The following FMN1 variants were observed in gnomAD, a reference collection of about 807,000 sequenced individuals.
The protein encoded by FMN1 is formin-1.
FMN1 carries 110 observed loss-of-function variants against 132.4 expected under a neutral mutation model. The observed-to-expected ratio is 0.83, with a 90% confidence interval of 0.71 to 0.97. The LOEUF (loss-of-function observed/expected upper bound fraction) is 0.97, where lower values mean the gene tolerates loss of function less well. Among genes scored for constraint, FMN1 ranks in the 50% least tolerant of loss-of-function variants. The pLI, the probability that FMN1 is intolerant of heterozygous loss-of-function variation, is 0.00. For synonymous variants in FMN1, 722 were observed against 651.7 expected, an observed-to-expected ratio of 1.11 and a Z score of -1.64; for missense variants, 1,792 against 1,705.3, an observed-to-expected ratio of 1.05 and a Z score of -0.90.
At chr15:32,974,953 T>C (rs1270699577) in intron 7 of FMN1, among the ~76,000 whole-genome samples, 2 of 152,244 alleles carry the variant, frequency 1.3e-5, no homozygotes, top group South Asian at 2.1e-4. Context: ...ATGATACTCA[T>C]GGCTCTTCAA....
chr15:33,158,728 C>T (rs1453256460), intron 3 of FMN1, among the ~76,000 whole-genome samples: 1 of 152,164 alleles, frequency 6.6e-6, no homozygotes, highest in African/African-American at 2.4e-5. Context: ...CTTACTTATA[C>T]TTGTTATAAA....
chr15:32,941,359 A>T (rs2061397483), intron 9 of FMN1, among the ~76,000 whole-genome samples: 1 of 152,228 alleles, frequency 6.6e-6, no homozygotes, highest in South Asian at 2.1e-4. Context: ...AGAAACCTAC[A>T]AATTTCATCT....
At chr15:32,861,926 C>T (rs967573610) in intron 16 of FMN1, among the ~76,000 whole-genome samples, 7 of 152,188 alleles carry the variant, frequency 4.6e-5, no homozygotes, top group African/African-American at 1.7e-4. Flanking sequence ...ACGAGAGCAG[C>T]TCCACTGCTG....
At chr15:33,004,269 G>A (rs987719855) in intron 7 of FMN1, among the ~76,000 whole-genome samples, 10 of 152,052 alleles carry the variant, frequency 6.6e-5, no homozygotes, top group African/African-American at 2.2e-4. Flanking sequence ...CTACAGAATG[G>A]GAGAAAATTT....
intron 7 of FMN1, among the ~76,000 whole-genome samples, chr15:33,001,565 T>G (rs1238645343): frequency 3.7e-5 from 3 of 80,200 alleles, no homozygotes; most frequent in South Asian, 5.5e-4. Flanking sequence ...CTCCTCCCAC[T>G]TCCCCCCCCA....
intron 3 of FMN1, among the ~76,000 whole-genome samples, chr15:33,166,451 G>A (rs1965113089): frequency 6.6e-6 from 1 of 151,764 alleles, no homozygotes. Context: ...ATACAATATA[G>A]TACTATATGC....
intron 4 of FMN1, among the ~76,000 whole-genome samples, chr15:33,138,443 A>T (rs530906729): frequency 1.3e-5 from 2 of 152,042 alleles, no homozygotes; most frequent in Non-Finnish European, 2.9e-5. Flanking sequence ...TCCTCCTCTG[A>T]CATCTCTCCC....
intron 6 of FMN1, among the ~76,000 whole-genome samples, chr15:33,029,581 G>A (rs1444452062): frequency 6.6e-6 from 1 of 152,150 alleles, no homozygotes; most frequent in Non-Finnish European, 1.5e-5. Flanking sequence ...GTCCAGACAA[G>A]GGTAGGAAGA....
At chr15:33,036,928 T>C (rs1363927159) in intron 6 of FMN1, among the ~76,000 whole-genome samples, 2 of 152,240 alleles carry the variant, frequency 1.3e-5, no homozygotes, top group African/African-American at 4.8e-5. Context: ...TTTTAAATTA[T>C]AAAAGCAATG....
intron 6 of FMN1, among the ~76,000 whole-genome samples, chr15:33,053,128 ACT>A (rs1359211533): frequency 6.6e-6 from 1 of 152,148 alleles, no homozygotes; most frequent in Non-Finnish European, 1.5e-5. Context: ...CTTGGGACCC[ACT>A]GAGTGCAGGT....
intron 16 of FMN1, among the ~76,000 whole-genome samples, chr15:32,865,584 C>T (rs564941928): frequency 6.6e-6 from 1 of 152,304 alleles, no homozygotes; most frequent in South Asian, 2.1e-4. Context: ...CGCCTGTGAT[C>T]CCAGCACTTT....
chr15:32,784,789 C>A (rs948798926), intron 19 of FMN1, among the ~76,000 whole-genome samples: 1 of 152,160 alleles, frequency 6.6e-6, no homozygotes, highest in Admixed American at 6.5e-5. Context: ...TTATTTCCCT[C>A]TCATAAAGGC....
At chr15:33,016,842 C>T (rs1392370434) in intron 6 of FMN1, among the ~76,000 whole-genome samples, 1 of 152,250 alleles carries the variant, frequency 6.6e-6, no homozygotes, top group South Asian at 2.1e-4. Context: ...CCACACAGAC[C>T]ACTGCCCGCA....
chr15:33,062,398 GA>G (rs1236745661), intron 6 of FMN1, among the ~76,000 whole-genome samples: 1 of 152,102 alleles, frequency 6.6e-6, no homozygotes, highest in Non-Finnish European at 1.5e-5. Context: ...GAGGCGGGGG[GA>G]TCACGAGGTC....
rs529992035 is a variant in FMN1, at chr15:32,768,561, G to A, written c.*5749C>T. ...TCAGTGTCTGCACAGGTAGAATTTA[G>A]GAAAATGTTCAGCCTATGTGAGAGC... On this transcript the variant is annotated 3_prime_UTR_variant, in exon 21 of 21. Transcript: ENST00000616417. The A allele has an allele frequency of 6.6e-6, 1 of 152,288 alleles. No homozygotes were observed. The highest frequency in any genetic ancestry group is 2.1e-4 in the South Asian group (1 of 4,830). The allele number at this position is 152,288 out of a possible 1,614,324, so 9.4% of individuals were successfully genotyped here.
chr15:32,984,978 CA>C (rs11330959), intron 7 of FMN1, among the ~76,000 whole-genome samples: 54,419 of 96,708 alleles, frequency 0.56, 13,974 homozygotes, highest in South Asian at 0.67. Flanking sequence ...CATCCATCAC[CA>C]AAAAAAAAAA....
At chr15:32,987,743 T>C (rs2033160096) in intron 7 of FMN1, among the ~76,000 whole-genome samples, 3 of 152,154 alleles carry the variant, frequency 2.0e-5, no homozygotes, top group African/African-American at 7.2e-5. Context: ...GATTTTCACA[T>C]CAGTGTAACA....
chr15:32,895,877 T>G (rs529885734), intron 15 of FMN1, among the ~76,000 whole-genome samples: 1 of 152,278 alleles, frequency 6.6e-6, no homozygotes, highest in Non-Finnish European at 1.5e-5. Context: ...AATTGAAGTT[T>G]TTTAGTTTTA....
intron 3 of FMN1, among the ~76,000 whole-genome samples, chr15:33,169,742 T>TC (rs1302480356): frequency 1.9e-5 from 2 of 106,096 alleles, no homozygotes; most frequent in East Asian, 5.2e-4. Flanking sequence ...TTCTTTTCCT[T>TC]TTTTTTTTTT....
Sources: gnomAD v4.1 joint callset for allele counts (sites outside exome capture counted in the v4.1 genomes callset) on GRCh38, gnomAD v4.1.1 for gene constraint, MANE v1.5 for transcripts, NCBI Gene and HGNC (gene_info 2026-07-23, HGNC 2026-07-21) for gene names.